NT5C: variants seen among roughly 807,000 people sequenced by gnomAD.
NT5C encodes the protein 5'(3')-deoxyribonucleotidase, cytosolic type.
NT5C carries 14 observed loss-of-function variants against 17.6 expected under a neutral mutation model. The observed-to-expected ratio is 0.79, with a 90% CI of 0.52 to 1.24. NT5C has a LOEUF of 1.24. NT5C is among the 50% of genes most tolerant of loss of function. The probability of loss-of-function intolerance (pLI) is 0.00; values close to 1 mark genes in which losing one functional copy is unlikely to be tolerated. For missense variants in NT5C, 328 were observed against 278.3 expected, an observed-to-expected ratio of 1.18 and a Z score of -1.27; for synonymous variants, 153 against 119.2, an observed-to-expected ratio of 1.28 and a Z score of -1.85.
rs556060072 is a variant in NT5C at position 75,131,732 on chromosome 17, T to C, written c.-25A>G. ...TCGCCGCCGGGCCGGAGCTGCGAGC[T>C]CTCGGGGTCTGGGGGGCGCGGGCTC... On this transcript the variant is annotated 5_prime_UTR_variant, in exon 1 of 5. Coordinates refer to ENST00000245552, the MANE Select transcript of NT5C (RefSeq NM_014595.3). 14 of 1,263,526 alleles carry C rather than the reference T, an allele frequency of 1.1e-5. No individual in the cohort carries two copies. In the South Asian group the frequency reaches 3.2e-4, roughly 29 times the overall value. The allele number at this position is 1,263,526 out of a possible 1,614,324, so 78.3% of individuals were successfully genotyped here. A position where few individuals can be genotyped will look rare whatever the true frequency, so the allele number is the denominator to read the frequency against.
Position 75,130,375 on chromosome 17 carries a change from T to G in NT5C, c.*113A>C, listed in dbSNP as rs2074096570. 1.1e-5 allele frequency: 15 copies of G among 1,346,392 alleles called. 1 individual carries two copies. The South Asian group carries it at 1.9e-4, about 17-fold the overall frequency. 83.4% of individuals were successfully genotyped at this position (1,346,392 alleles called of 1,614,324 possible). Reference sequence around the variant, plus strand: ...ACAGCGCTTAACGGTATCTGCCTGCTCCACTCCACGGGGCCAGAGGCACCA... The same window carrying G: ...ACAGCGCTTAACGGTATCTGCCTGCGCCACTCCACGGGGCCAGAGGCACCA... On this transcript the variant is annotated 3_prime_UTR_variant, in exon 5 of 5. Coordinates refer to ENST00000245552, the MANE Select transcript of NT5C (RefSeq NM_014595.3).
rs141100217 is a variant in NT5C, at chr17:75,131,098, C to A, written c.283G>T (p.Val95Phe). The A allele has an allele frequency of 2.5e-6, 4 of 1,613,346 alleles. No homozygotes were observed. The highest frequency in any genetic ancestry group is 3.4e-6 in the Non-Finnish European group (4 of 1,179,880). Residue 95 changes from valine to phenylalanine, a missense_variant, in exon 3 of 5, where the codon GTC (valine) becomes TTC (phenylalanine). Physicochemically the swap from Val to Phe is conservative, Grantham distance 50. Coordinates refer to ENST00000245552, the MANE Select transcript of NT5C (RefSeq NM_014595.3). ...REMNDLPDTQ[V>F]FICTSPLLKY... ...AGCAGGGGGCTGGTGCAGATGAAGA[C>A]CTGCGTGCTGCGGAGAAGGACGCGG...
At position 75,131,290 on chromosome 17, in the gene NT5C, C is replaced by G; in HGVS notation, c.175-9G>C. ...ACACTGGCCACTTTATCCTGAAAGACAAGAGTTCTGGGTCCCGGCTTCCCG... is the reference window on the plus strand; with the variant it reads ...ACACTGGCCACTTTATCCTGAAAGAGAAGAGTTCTGGGTCCCGGCTTCCCG... On this transcript the variant is annotated splice_polypyrimidine_tract_variant and intron_variant, in intron 1 of 4. Transcript: ENST00000245552. 6.2e-7 allele frequency: 1 copy of G among 1,613,268 alleles called. No individual in the cohort carries two copies. Among genetic ancestry groups the G allele is most frequent in the South Asian group, 1.1e-5 (1 of 91,038 alleles).
Position 75,131,662 on chromosome 17 carries a change from C to A in NT5C, c.46G>T (p.Ala16Ser). The A allele has an allele frequency of 7.5e-7, 1 of 1,341,442 alleles. No homozygotes were observed. Among genetic ancestry groups the A allele is most frequent in the Non-Finnish European group, 9.5e-7 (1 of 1,050,848 alleles). 83.1% of individuals were successfully genotyped at this position (1,341,442 alleles called of 1,614,324 possible). A position where few individuals can be genotyped will look rare whatever the true frequency, so the allele number is the denominator to read the frequency against. ...RVLVDMDGVLADFEAGLLRGF... is the reference protein window; with the variant it reads ...RVLVDMDGVLSDFEAGLLRGF... ...CGCAGGAGGCCGGCCTCGAAGTCGGCCAGGACGCCGTCCATGTCCACCAGC... is the reference window on the plus strand; with the variant it reads ...CGCAGGAGGCCGGCCTCGAAGTCGGACAGGACGCCGTCCATGTCCACCAGC... The change falls in exon 1 of 5, where the codon GCC becomes TCC. Residue 16 changes from alanine (A) to serine (S), a missense_variant. Physicochemically the swap from Ala to Ser is moderately conservative, Grantham distance 99. Transcript: ENST00000245552.
At chr17:75,131,329 C>A (rs117652839) in intron 1 of NT5C, 48 bp from the exon 2 acceptor site, 2 of 1,589,518 alleles carry the variant, frequency 1.3e-6, no homozygotes, top group African/African-American at 2.7e-5. Flanking sequence ...CCGCGAGGAC[C>A]CGCAGGGAGG....
chr17:75,130,791 A>G lies in NT5C; in HGVS notation c.413T>C (p.Leu138Ser), dbSNP rs775885932. Residue 138 changes from leucine (L) to serine (S), a missense_variant, in exon 4 of 5, where the codon TTG becomes TCG. Leu to Ser is a moderately radical substitution (Grantham distance 145). Coordinates refer to ENST00000245552, the MANE Select transcript of NT5C (RefSeq NM_014595.3). ...CTTGTCATCAATGAGCAGGTCCCCC[A>G]AGACCACCGTCTTGTCCCTTGTCAG... Reference protein sequence around the residue: ...IILTRDKTVVLGDLLIDDKDT... With the variant: ...IILTRDKTVVSGDLLIDDKDT... 1 of 1,614,130 alleles carries G rather than the reference A, an allele frequency of 6.2e-7. No individual in the cohort carries two copies. Among genetic ancestry groups the G allele is most frequent in the Non-Finnish European group, 8.5e-7 (1 of 1,180,002 alleles).
intron 2 of NT5C, 32 bp from the exon 3 acceptor site, chr17:75,131,137 C>T: frequency 6.2e-7 from 1 of 1,612,512 alleles, no homozygotes; most frequent in Non-Finnish European, 8.5e-7. Flanking sequence ...CCGCCGGGAG[C>T]CAGGAGCCCG....
chr17:75,131,479 A>AC, intron 1 of NT5C, 55 bp downstream of exon 1: 2 of 1,424,514 alleles, frequency 1.4e-6, no homozygotes, highest in Non-Finnish European at 1.8e-6. Context: ...GAAGGGGGAG[A>AC]CCCCCGGAAC....
rs199659855 is a variant in NT5C, at chr17:75,131,111, G to C, written c.276-6C>G. The stretch of plus-strand genomic sequence containing the variant: ...TGCAGATGAAGACCTGCGTGCTGCG[G>C]AGAAGGACGCGGTTACCGCCGGGAG... On this transcript the variant is annotated splice_polypyrimidine_tract_variant and splice_region_variant and intron_variant, in intron 2 of 4. Coordinates refer to ENST00000245552, the MANE Select transcript of NT5C (RefSeq NM_014595.3). The C allele has an allele frequency of 4.6e-4, 743 of 1,613,238 alleles. 2 individuals are homozygous for C. In the Middle Eastern group the frequency reaches 6.1e-3, roughly 13 times the overall value.
At chr17:75,130,910 C>A (rs2074108350) in intron 3 of NT5C, 43 bp from the exon 4 acceptor site, 1 of 1,613,510 alleles carries the variant, frequency 6.2e-7, no homozygotes, top group Non-Finnish European at 8.5e-7. Context: ...TGATGGAAGC[C>A]GGAATTCAGG....
chr17:75,131,608 G>T lies in NT5C; in HGVS notation c.100C>A (p.Pro34Thr). Residue 34 changes from proline to threonine, a missense_variant, in exon 1 of 5, where the codon CCG (proline) becomes ACG (threonine). Physicochemically the swap from Pro to Thr is conservative, Grantham distance 38 (BLOSUM62 -1). Coordinates refer to ENST00000245552, the MANE Select transcript of NT5C (RefSeq NM_014595.3). ...RGFRRRFPEE[P>T]HVPLEQRRGF... ...CGGCGTTGCTCCAGCGGCACGTGCG[G>T]CTCCTCAGGGAAGCGGCGGCGGAAG... The T allele has an allele frequency of 7.2e-7, 1 of 1,396,232 alleles. No individual in the cohort carries two copies. Among genetic ancestry groups the T allele is most frequent in the South Asian group, 1.6e-5 (1 of 63,766 alleles). The allele number at this position is 1,396,232 out of a possible 1,614,324, so 86.5% of individuals were successfully genotyped here.
At position 75,131,701 on chromosome 17, in the gene NT5C, G is replaced by A. The variant is rs1487523715; in HGVS notation, c.7C>T (p.Arg3Trp). The change falls in exon 1 of 5, where the codon CGG becomes TGG. Residue 3 changes from arginine (R) to tryptophan (W), a missense_variant. Arg to Trp is a moderately radical substitution (Grantham distance 101). Coordinates refer to ENST00000245552, the MANE Select transcript of NT5C (RefSeq NM_014595.3). Reference protein sequence around the residue: MARSVRVLVDMDG... With the variant: MAWSVRVLVDMDG... ...ATGTCCACCAGCACGCGCACGCTCCGCGCCATCGCCGCCGGGCCGGAGCTG... is the reference window on the plus strand; with the variant it reads ...ATGTCCACCAGCACGCGCACGCTCCACGCCATCGCCGCCGGGCCGGAGCTG... 7.8e-7 allele frequency: 1 copy of A among 1,285,056 alleles called. No homozygotes were observed. Among genetic ancestry groups the A allele is most frequent in the South Asian group, 2.5e-5 (1 of 40,204 alleles). 79.6% of individuals were successfully genotyped at this position (1,285,056 alleles called of 1,614,324 possible).
intron 1 of NT5C, 59 bp from the exon 2 acceptor site, chr17:75,131,340 C>T (rs1352944794): frequency 9.0e-6 from 14 of 1,549,620 alleles, no homozygotes; most frequent in Non-Finnish European, 1.2e-5. Context: ...CGCAGGGAGG[C>T]TCCTGGGGGC....
intron 1 of NT5C, 73 bp from the exon 2 acceptor site, chr17:75,131,354 G>C (rs1030911364): frequency 6.6e-7 from 1 of 1,522,138 alleles, no homozygotes; most frequent in Admixed American, 1.9e-5. Flanking sequence ...TGGGGGCTCC[G>C]GGCCCGAGCT....
rs2074125980 is a variant in NT5C, at chr17:75,131,543, G to T, written c.165C>A (p.Pro55=). 1 of 1,411,954 alleles carries T rather than the reference G, an allele frequency of 7.1e-7. No homozygotes were observed. Among genetic ancestry groups the T allele is most frequent in the Non-Finnish European group, 9.2e-7 (1 of 1,091,942 alleles). The allele number at this position is 1,411,954 out of a possible 1,614,324, so 87.5% of individuals were successfully genotyped here. ...ACCCTGCGCCCCCTACCGCCAGGTC[G>T]GGCCGCAGGGCGCGGTACTGCTCGC... ...LAREQYRALR[P]DLADKVASVY... Residue 55 remains proline (P), a synonymous_variant, in exon 1 of 5, where the codon CCC becomes CCA. Transcript: ENST00000245552.
rs899977506 is a variant in NT5C at position 75,130,780 on chromosome 17, G to A, written c.424C>T (p.Leu142Phe). Residue 142 changes from leucine (L) to phenylalanine (F), a missense_variant, in exon 4 of 5, where the codon CTC (leucine) becomes TTC (phenylalanine). Transcript: ENST00000245552. Reference sequence around the variant, plus strand: ...CGAACTGTGTCCTTGTCATCAATGAGCAGGTCCCCCAAGACCACCGTCTTG... The same window carrying A: ...CGAACTGTGTCCTTGTCATCAATGAACAGGTCCCCCAAGACCACCGTCTTG... Reference protein sequence around the residue: ...RDKTVVLGDLLIDDKDTVRGQ... With the variant: ...RDKTVVLGDLFIDDKDTVRGQ... The A allele has an allele frequency of 6.2e-7, 1 of 1,614,150 alleles. No homozygotes were observed. Among genetic ancestry groups the A allele is most frequent in the Non-Finnish European group, 8.5e-7 (1 of 1,180,020 alleles).
chr17:75,131,568 CG>C lies in NT5C; in HGVS notation c.139del (p.Arg47AlafsTer41). On this transcript the variant is annotated frameshift_variant, in exon 1 of 5. Transcript: ENST00000245552. LOFTEE classifies it high-confidence loss of function. ...PLEQRRGFLA[R>X]EQYRALRPDL... Reference sequence around the variant, plus strand: ...GGGCCGCAGGGCGCGGTACTGCTCGCGGGCCAGGAAGCCGCGGCGTTGCTCC... The same window carrying C: ...GGGCCGCAGGGCGCGGTACTGCTCGCGGCCAGGAAGCCGCGGCGTTGCTCC... The C allele has an allele frequency of 7.2e-7, 1 of 1,394,166 alleles. No homozygotes were observed. Among genetic ancestry groups the C allele is most frequent in the Non-Finnish European group, 9.2e-7 (1 of 1,082,784 alleles). 86.4% of individuals were successfully genotyped at this position (1,394,166 alleles called of 1,614,324 possible). A position where few individuals can be genotyped will look rare whatever the true frequency, so the allele number is the denominator to read the frequency against.
chr17:75,130,365 A>C lies in NT5C; in HGVS notation c.*123T>G. 1 of 1,253,952 alleles carries C rather than the reference A, an allele frequency of 8.0e-7. No homozygotes were observed. Among genetic ancestry groups the C allele is most frequent in the Non-Finnish European group, 1.1e-6 (1 of 892,970 alleles). The allele number at this position is 1,253,952 out of a possible 1,614,324, so 77.7% of individuals were successfully genotyped here. A position where few individuals can be genotyped will look rare whatever the true frequency, so the allele number is the denominator to read the frequency against. The stretch of plus-strand genomic sequence containing the variant: ...GCCCGGTAGCACAGCGCTTAACGGT[A>C]TCTGCCTGCTCCACTCCACGGGGCC... On this transcript the variant is annotated 3_prime_UTR_variant, in exon 5 of 5. Transcript: ENST00000245552.
In NT5C at chr17:75,130,517, T is replaced by C. The variant is rs2074099117; in HGVS notation, c.577A>G (p.Ser193Gly). 3.7e-6 allele frequency: 6 copies of C among 1,614,154 alleles called. No homozygotes were observed. The change falls in exon 5 of 5, where the codon AGC becomes GGC. Residue 193 changes from serine to glycine, a missense_variant. Transcript: ENST00000245552. Reference sequence around the variant, plus strand: ...TCCCGCTGCGCAGCTCCGCGCTTGCTATCTAAGATCTCCCTCCAGTTGTCA... The same window carrying C: ...TCCCGCTGCGCAGCTCCGCGCTTGCCATCTAAGATCTCCCTCCAGTTGTCA... The part of the protein sequence containing the change: ...WSDNWREILD[S>G]KRGAAQRE
Sources: allele counts gnomAD v4.1 joint callset, GRCh38; gene constraint gnomAD v4.1.1; transcripts MANE v1.5; gene names NCBI Gene and HGNC (gene_info 2026-07-23, HGNC 2026-07-21).